CAPN7: variants seen among roughly 807,000 people sequenced by gnomAD.
CAPN7 encodes calpain-7.
CAPN7 carries 72 observed loss-of-function variants against 115.2 expected under a neutral mutation model. That is an observed-to-expected ratio of 0.63 (90% confidence interval 0.52 to 0.76). The LOEUF (loss-of-function observed/expected upper bound fraction) is 0.76. Among genes scored for constraint, CAPN7 ranks in the 30% least tolerant of loss-of-function variants. The probability of loss-of-function intolerance (pLI) is 0.00; values close to 1 mark genes in which losing one functional copy is unlikely to be tolerated. For missense variants in CAPN7, 905 were observed against 971.5 expected (o/e 0.93, Z 0.91); for synonymous variants, 344 against 322.3 (o/e 1.07, Z -0.72).
chr3:15,232,433 G>A, intron 9 of CAPN7, 86 bp from the exon 10 acceptor site: 1 of 1,039,258 alleles, frequency 9.6e-7, no homozygotes, highest in East Asian at 2.5e-5. Flanking sequence ...TATTTTATCA[G>A]TATGAAAGGT....
chr3:15,223,371 T>G (rs1694115784), intron 5 of CAPN7, 104 bp from the exon 6 acceptor site: 1 of 727,926 alleles, frequency 1.4e-6, no homozygotes, highest in East Asian at 2.6e-5. Flanking sequence ...TCAGTTTAAT[T>G]TTAATACAGT....
intron 7 of CAPN7, among the ~76,000 whole-genome samples, chr3:15,228,729 A>T (rs1694481431): frequency 6.6e-6 from 1 of 152,216 alleles, no homozygotes; most frequent in Non-Finnish European, 1.5e-5. Context: ...GAGGAGGGAG[A>T]GGAGCGGAAA....
intron 12 of CAPN7, 97 bp downstream of exon 12, chr3:15,235,242 A>C: frequency 9.1e-7 from 1 of 1,102,298 alleles, no homozygotes; most frequent in South Asian, 1.7e-5. Flanking sequence ...TGACAAATCA[A>C]GGTTTAAGTG....
chr3:15,224,946 A>G (rs1218312217), intron 6 of CAPN7, among the ~76,000 whole-genome samples: 1 of 152,188 alleles, frequency 6.6e-6, no homozygotes, highest in African/African-American at 2.4e-5. Context: ...ATATCTGAGA[A>G]ACTTTATAGC....
At chr3:15,220,704 C>G in intron 4 of CAPN7, 77 bp from the exon 5 acceptor site, 1 of 1,307,376 alleles carries the variant, frequency 7.6e-7, no homozygotes, top group Non-Finnish European at 1.1e-6. Flanking sequence ...ACTGGTTCTT[C>G]AAGTAAATTT....
chr3:15,221,144 A>C, intron 5 of CAPN7, 163 bp downstream of exon 5: 2 of 525,140 alleles, frequency 3.8e-6, no homozygotes, highest in Non-Finnish European at 6.8e-6. Flanking sequence ...AAATAGTTAA[A>C]ATTTTAGTTC....
intron 12 of CAPN7, among the ~76,000 whole-genome samples, chr3:15,238,873 T>G (rs1695170528): frequency 1.4e-5 from 2 of 146,822 alleles, no homozygotes; most frequent in South Asian, 2.1e-4. Flanking sequence ...TTTTTTTTTT[T>G]GTTCTCTAGC....
At position 15,206,464 on chromosome 3, in the gene CAPN7, C is replaced by G; in HGVS notation, c.-32C>G. On this transcript the variant is annotated 5_prime_UTR_variant, in exon 1 of 21. Transcript: ENST00000253693. Reference sequence around the variant, plus strand: ...GAAGAGCCGTCCTGCGTCAGGGCCTCCTTCCCTGCCCCGGCGCGGGGCCAC... The same window carrying G: ...GAAGAGCCGTCCTGCGTCAGGGCCTGCTTCCCTGCCCCGGCGCGGGGCCAC... 6.6e-7 allele frequency: 1 copy of G among 1,508,698 alleles called. No individual in the cohort carries two copies. The highest frequency in any genetic ancestry group is 2.6e-5 in the East Asian group (1 of 39,122). 93.5% of individuals were successfully genotyped at this position (1,508,698 alleles called of 1,614,324 possible).
intron 1 of CAPN7, chr3:15,210,992 G>A: frequency 2.8e-6 from 3 of 1,073,850 alleles, no homozygotes; most frequent in Non-Finnish European, 3.4e-6. Flanking sequence ...CTGGAATGGT[G>A]ATGAGGAGAA....
In CAPN7 at chr3:15,230,480, A is replaced by G. The variant is rs754979792; in HGVS notation, c.977A>G (p.Tyr326Cys). 4 of 1,613,138 alleles carry G rather than the reference A, an allele frequency of 2.5e-6. No homozygotes were observed. Among genetic ancestry groups the G allele is most frequent in the South Asian group, 1.1e-5 (1 of 91,050 alleles). Residue 326 changes from tyrosine (Y) to cysteine (C), a missense_variant, in exon 9 of 21, where the codon TAC (tyrosine) becomes TGC (cysteine). Transcript: ENST00000253693. ...YPQNKDGEPE[Y>C]NPCGKYMVKL... ...CAAAACAAGGATGGTGAACCAGAATACAATCCATGTGGGAAGTATATGGTA... is the reference window on the plus strand; with the variant it reads ...CAAAACAAGGATGGTGAACCAGAATGCAATCCATGTGGGAAGTATATGGTA...
chr3:15,228,419 A>G (rs921760193), intron 7 of CAPN7, among the ~76,000 whole-genome samples: 1 of 152,204 alleles, frequency 6.6e-6, no homozygotes, highest in African/African-American at 2.4e-5. Context: ...AATATTTAGT[A>G]TACATTGTAG....
chr3:15,221,346 ATTTTTTTT>A (rs772108590), intron 5 of CAPN7, among the ~76,000 whole-genome samples: 5 of 104,334 alleles, frequency 4.8e-5, no homozygotes, highest in African/African-American at 1.5e-4. Flanking sequence ...CATCTGACTA[ATTTTTTTT>A]TTTTTTTTTT....
intron 19 of CAPN7, among the ~76,000 whole-genome samples, chr3:15,249,953 C>T (rs1474012090): frequency 3.3e-5 from 5 of 151,514 alleles, no homozygotes; most frequent in African/African-American, 9.7e-5. Context: ...TTGGTAGAGA[C>T]GGGATTTCAA....
chr3:15,237,814 A>G (rs1345089797), intron 12 of CAPN7, among the ~76,000 whole-genome samples: 1 of 151,792 alleles, frequency 6.6e-6, no homozygotes, highest in Admixed American at 6.6e-5. Context: ...TACAATAAAT[A>G]ATTTTTTAAA....
At chr3:15,213,090 C>A (rs1253630534) in intron 2 of CAPN7, among the ~76,000 whole-genome samples, 1 of 152,152 alleles carries the variant, frequency 6.6e-6, no homozygotes. Flanking sequence ...TTATTGGAAC[C>A]TCACTTGATA....
intron 2 of CAPN7, among the ~76,000 whole-genome samples, chr3:15,216,093 A>G (rs2045234297): frequency 6.6e-6 from 1 of 152,110 alleles, no homozygotes; most frequent in South Asian, 2.1e-4. Flanking sequence ...GTCTCAAAAA[A>G]AAAAAATTCA....
intron 6 of CAPN7, among the ~76,000 whole-genome samples, chr3:15,224,817 T>C (rs866490808): frequency 2.6e-5 from 4 of 152,362 alleles, no homozygotes; most frequent in African/African-American, 9.6e-5. Flanking sequence ...CTGCTTTTTA[T>C]TTTCTAGTGT....
At chr3:15,226,516 G>A (rs1167865669) in intron 6 of CAPN7, among the ~76,000 whole-genome samples, 2 of 152,052 alleles carry the variant, frequency 1.3e-5, no homozygotes, top group African/African-American at 4.8e-5. Context: ...AATAGATTAC[G>A]AATTTGAATT....
At chr3:15,218,029 A>T (rs1693742477) in intron 3 of CAPN7, among the ~76,000 whole-genome samples, 3 of 152,210 alleles carry the variant, frequency 2.0e-5, no homozygotes, top group African/African-American at 7.2e-5. Context: ...TTCAAGGGAC[A>T]TCTAGTGCAT....
Sources: allele counts gnomAD v4.1 joint callset (sites outside exome capture counted in the v4.1 genomes callset), GRCh38; gene constraint gnomAD v4.1.1; transcripts MANE v1.5; gene names NCBI Gene and HGNC (gene_info 2026-07-23, HGNC 2026-07-21).